The following FLT1 variants were observed in gnomAD, a reference collection of about 807,000 sequenced individuals.
FLT1 encodes the protein vascular endothelial growth factor receptor 1.
A neutral mutation model predicts 156.3 loss-of-function variants in FLT1; 49 were observed. The observed-to-expected ratio is 0.31, with a 90% CI of 0.25 to 0.40. The LOEUF is 0.40. Among genes scored for constraint, FLT1 ranks in the 10% least tolerant of loss-of-function variants. FLT1 has a pLI of 1.00. For missense variants in FLT1, 1,322 were observed against 1,637.2 expected (o/e 0.81, Z 3.32); for synonymous variants, 594 against 583.8 (o/e 1.02, Z -0.25).
At chr13:28,357,405 C>T (rs1300252029) in intron 15 of FLT1, 149 bp downstream of exon 15, 2 of 839,572 alleles carry the variant, frequency 2.4e-6, no homozygotes, top group South Asian at 1.4e-5. Flanking sequence ...CAGACAGTCC[C>T]TTCCCGGAGT....
intron 3 of FLT1, among the ~76,000 whole-genome samples, chr13:28,445,787 G>T (rs1214702321): frequency 6.6e-6 from 1 of 152,122 alleles, no homozygotes; most frequent in East Asian, 1.9e-4. Flanking sequence ...AAAAATAGAA[G>T]AGAAGAGAAA....
intron 3 of FLT1, among the ~76,000 whole-genome samples, chr13:28,455,528 C>G (rs1879210306): frequency 6.6e-6 from 1 of 152,086 alleles, no homozygotes; most frequent in Admixed American, 6.6e-5. Context: ...AAATGCGAAA[C>G]TATAAAACTC....
chr13:28,389,420 C>T, intron 13 of FLT1: 1 of 1,283,858 alleles, frequency 7.8e-7, no homozygotes, highest in South Asian at 3.3e-5. Flanking sequence ...AAAGGATCAT[C>T]CCAAGTTGTT....
At chr13:28,337,960 A>C (rs751142786) in intron 17 of FLT1, among the ~76,000 whole-genome samples, 1 of 152,214 alleles carries the variant, frequency 6.6e-6, no homozygotes, top group Non-Finnish European at 1.5e-5. Context: ...TATAATTTAG[A>C]CTTGCAGAAG....
intron 11 of FLT1, among the ~76,000 whole-genome samples, chr13:28,405,002 A>AGG (rs1875693313): frequency 6.7e-6 from 1 of 150,370 alleles, no homozygotes; most frequent in Non-Finnish European, 1.5e-5. Context: ...CCTGGGTGAC[A>AGG]GAGTGAGACT....
intron 17 of FLT1, among the ~76,000 whole-genome samples, chr13:28,336,623 C>T (rs1872124770): frequency 6.6e-6 from 1 of 152,130 alleles, no homozygotes; most frequent in African/African-American, 2.4e-5. Flanking sequence ...AGAGGCAGCA[C>T]CAGCCCAGGC....
rs869039457 is a variant in FLT1, at chr13:28,378,050, C to CTT, written c.2116+6833_2116+6834dup. ...AACTGAAGTCTTCAAGAGACTTAAT[C>CTT]TTTTTTTTTTTTTTTTTGAGTTGGA... On this transcript the variant is annotated intron_variant, in intron 14 of 29. Transcript: ENST00000282397. Among the ~76,000 whole-genome samples, 651 of 136,142 alleles carry CTT rather than the reference C, an allele frequency of 4.8e-3. 6 individuals carry two copies. The highest frequency in any genetic ancestry group is 0.016 in the African/African-American group (603 of 36,986). The allele number at this position is 136,142 out of a possible 152,430, so 89.3% of individuals were successfully genotyped here.
intron 1 of FLT1, among the ~76,000 whole-genome samples, chr13:28,484,945 G>C (rs138554084): frequency 2.3e-5 from 3 of 128,268 alleles, no homozygotes; most frequent in Non-Finnish European, 3.2e-5. Flanking sequence ...GTGGGGGGAG[G>C]GGGGAGGGAT....
chr13:28,446,683 A>G (rs1246266782), intron 3 of FLT1, among the ~76,000 whole-genome samples: 2 of 152,250 alleles, frequency 1.3e-5, no homozygotes, highest in East Asian at 1.9e-4. Flanking sequence ...TCTCATGTTC[A>G]TGGATTAGAA....
intron 10 of FLT1, among the ~76,000 whole-genome samples, chr13:28,423,445 G>A (rs1877133753): frequency 2.0e-5 from 3 of 152,056 alleles, no homozygotes; most frequent in Admixed American, 6.5e-5. Context: ...CAACAAAACT[G>A]CATTTTACAT....
In FLT1 at chr13:28,377,763, A is replaced by T. The variant is rs1873900684; in HGVS notation, c.2116+7122T>A. 2.0e-5 allele frequency among the ~76,000 whole-genome samples: 3 copies of T among 152,240 alleles called. No homozygotes were observed. The South Asian group carries it at 6.2e-4, about 31-fold the overall frequency. On this transcript the variant is annotated intron_variant, in intron 14 of 29. Coordinates refer to ENST00000282397, the MANE Select transcript of FLT1 (RefSeq NM_002019.4). ...GTAACACCCAATCTGAGTTCAAAAT[A>T]ATTTTAAACTTTATACATGTCTAGT...
rs60370048 is a variant in FLT1 at position 28,387,683 on chromosome 13, T to A, written c.1969+2113A>T. On this transcript the variant is annotated intron_variant, in intron 13 of 29. Coordinates refer to ENST00000282397, the MANE Select transcript of FLT1 (RefSeq NM_002019.4). Reference sequence around the variant, plus strand: ...CCTGTTCCATTTCAATTATTCCCCATTTTAGGCTCCTTTTTTCTCCTTTTT... The same window carrying A: ...CCTGTTCCATTTCAATTATTCCCCAATTTAGGCTCCTTTTTTCTCCTTTTT... 1,592 of 1,062,932 alleles carry A rather than the reference T, an allele frequency of 1.5e-3. 10 individuals carry two copies. In the African/African-American group the frequency reaches 0.018, roughly 12 times the overall value. The allele number at this position is 1,062,932 out of a possible 1,614,324, so 65.8% of individuals were successfully genotyped here.
chr13:28,325,573 G>A (rs912569102), intron 20 of FLT1, among the ~76,000 whole-genome samples: 1 of 152,122 alleles, frequency 6.6e-6, no homozygotes, highest in Non-Finnish European at 1.5e-5. Flanking sequence ...CCAGCACTTT[G>A]TGAGGCCGAG....
chr13:28,415,313 C>G (rs1876581969), intron 10 of FLT1, among the ~76,000 whole-genome samples: 1 of 152,106 alleles, frequency 6.6e-6, no homozygotes, highest in South Asian at 2.1e-4. Flanking sequence ...AACCCTGTCT[C>G]TACTAAAAAT....
intron 14 of FLT1, chr13:28,368,613 A>G: frequency 7.0e-6 from 10 of 1,420,356 alleles, no homozygotes; most frequent in South Asian, 1.2e-5. Flanking sequence ...GATGATGATG[A>G]TGACAATGGT....
At chr13:28,407,165 C>A (rs564904134) in intron 10 of FLT1, among the ~76,000 whole-genome samples, 8 of 152,236 alleles carry the variant, frequency 5.3e-5, no homozygotes, top group African/African-American at 1.9e-4. Context: ...CCGAGCATGC[C>A]GTCGGCGCCC....
At chr13:28,398,027 A>G (rs9319427) in intron 11 of FLT1, among the ~76,000 whole-genome samples, 63,698 of 151,934 alleles carry the variant, frequency 0.42, 15,212 homozygotes, top group Middle Eastern at 0.6. Context: ...AAAGACTTGC[A>G]TTCTTCCAAA....
intron 3 of FLT1, among the ~76,000 whole-genome samples, chr13:28,466,053 A>G (rs992007180): frequency 6.6e-6 from 1 of 152,030 alleles, no homozygotes; most frequent in Non-Finnish European, 1.5e-5. Context: ...TGTGTTCTCT[A>G]CAGCCTTGTT....
chr13:28,421,073 C>T (rs1435783020), intron 10 of FLT1, among the ~76,000 whole-genome samples: 2 of 151,980 alleles, frequency 1.3e-5, no homozygotes, highest in South Asian at 2.1e-4. Context: ...TCCACCCCAG[C>T]CCCCCATAGT....
Sources: allele counts gnomAD v4.1 joint callset (sites outside exome capture counted in the v4.1 genomes callset), GRCh38; gene constraint gnomAD v4.1.1; transcripts MANE v1.5; gene names NCBI Gene and HGNC (gene_info 2026-07-23, HGNC 2026-07-21).